The following SIVA1 variants were observed in gnomAD, a reference collection of about 807,000 sequenced individuals.
The protein encoded by SIVA1 is apoptosis regulatory protein Siva.
In SIVA1, 10 loss-of-function variants were observed where a neutral mutation model predicts 19.7. The ratio of observed to expected loss-of-function variants is 0.51; its 90% confidence interval spans 0.31 to 0.86. The LOEUF is 0.86. SIVA1 is among the 40% of genes least tolerant of loss of function. The probability of loss-of-function intolerance (pLI) is 0.04; values close to 1 mark genes in which losing one functional copy is unlikely to be tolerated. For synonymous variants in SIVA1, 130 were observed against 106.1 expected, an observed-to-expected ratio of 1.23 and a Z score of -1.39; for missense variants, 241 against 245.2, an observed-to-expected ratio of 0.98 and a Z score of 0.11.
Position 104,756,623 on chromosome 14 carries a change from C to T in SIVA1, c.333C>T (p.Ser111=), listed in dbSNP as rs1891898043. Residue 111 remains serine (S), a synonymous_variant, in exon 3 of 4, where the codon TCC becomes TCT. Transcript: ENST00000329967. The stretch of plus-strand genomic sequence containing the variant: ...TCACAGACCCATCTGGGGTAGCGTC[C>T]ATTGCCTGTTCCTCATGCGTGCGAG... ...ASEADPSGVA[S]IACSSCVRAV... is the part of the protein sequence containing the mutation. The T allele has an allele frequency of 1.2e-6, 2 of 1,614,228 alleles. No individual in the cohort carries two copies. Among genetic ancestry groups the T allele is most frequent in the African/African-American group, 1.3e-5 (1 of 75,070 alleles).
At chr14:104,756,962 T>C in intron 3 of SIVA1, 1 of 618,244 alleles carries the variant, frequency 1.6e-6, no homozygotes, top group Non-Finnish European at 2.8e-6. Context: ...AAGGGAAAGC[T>C]GAACCTCACA....
chr14:104,753,639 T>C (rs12889167), intron 1 of SIVA1: 217,763 of 448,680 alleles, frequency 0.49, 54,541 homozygotes, highest in East Asian at 0.62. Flanking sequence ...CCTGGTGCTT[T>C]CTCAGGACTG....
In SIVA1 at chr14:104,755,632, A is replaced by G; in HGVS notation, c.121A>G (p.Lys41Glu). Reference sequence around the variant, plus strand: ...GAGAATGATTTATCTTCCCCCAGAGAAGACCAAGCGACTCCTGTTCCTCGG... The same window carrying G: ...GAGAATGATTTATCTTCCCCCAGAGGAGACCAAGCGACTCCTGTTCCTCGG... ...AERYSQEVFE[K>E]TKRLLFLGAQ... Residue 41 changes from lysine (K) to glutamate (E), a missense_variant and splice_region_variant, in exon 2 of 4, where the codon AAG (lysine) becomes GAG (glutamate). Physicochemically the swap from Lys to Glu is moderately conservative, Grantham distance 56. Transcript: ENST00000329967. 6.2e-7 allele frequency: 1 copy of G among 1,611,254 alleles called. No individual in the cohort carries two copies. Among genetic ancestry groups the G allele is most frequent in the Non-Finnish European group, 8.5e-7 (1 of 1,179,372 alleles).
At chr14:104,755,338 CGAGT>C (rs1891847042) in intron 1 of SIVA1, among the ~76,000 whole-genome samples, 1 of 152,126 alleles carries the variant, frequency 6.6e-6, no homozygotes, top group African/African-American at 2.4e-5. Context: ...GAAAATGAGC[CGAGT>C]GATAGGAGAG....
At chr14:104,756,869 G>A (rs1443311104) in intron 3 of SIVA1, 109 bp downstream of exon 3, 3 of 1,240,258 alleles carry the variant, frequency 2.4e-6, no homozygotes, top group Non-Finnish European at 3.3e-6. Flanking sequence ...TGTGGCCCCT[G>A]ATGCAGTGCC....
chr14:104,755,308 G>A (rs1009934647), intron 1 of SIVA1, among the ~76,000 whole-genome samples: 12 of 152,196 alleles, frequency 7.9e-5, no homozygotes, highest in African/African-American at 1.7e-4. Context: ...TTAGTGAGGC[G>A]AGGCCAGCCG....
At chr14:104,753,357 G>C (rs754805799) in intron 1 of SIVA1, 38 bp downstream of exon 1, 1 of 1,429,326 alleles carries the variant, frequency 7.0e-7, no homozygotes, top group South Asian at 1.2e-5. Context: ...CCGCTGCGTC[G>C]GGGCCTGGAA....
intron 3 of SIVA1, chr14:104,758,159 G>A (rs552039776): frequency 1.1e-4 from 17 of 152,382 alleles, no homozygotes; most frequent in African/African-American, 3.6e-4. Flanking sequence ...GGAAAACAGG[G>A]ATCTGTCCAC....
chr14:104,758,658 T>G (rs964620220), intron 3 of SIVA1: 5 of 152,126 alleles, frequency 3.3e-5, no homozygotes, highest in African/African-American at 9.7e-5. Flanking sequence ...CCCAGCTAAT[T>G]TTTGTATTCT....
chr14:104,753,344 G>A, intron 1 of SIVA1, 25 bp downstream of exon 1: 1 of 1,504,754 alleles, frequency 6.6e-7, no homozygotes, highest in South Asian at 1.2e-5. Flanking sequence ...GGCTGCCGAG[G>A]GTCCGCTGCG....
chr14:104,759,154 A>T lies in SIVA1; in HGVS notation c.471-274A>T, dbSNP rs190559537. On this transcript the variant is annotated intron_variant, in intron 3 of 3. Coordinates refer to ENST00000329967, the MANE Select transcript of SIVA1 (RefSeq NM_006427.4). The surrounding 1 kb of genome is among the most constrained non-coding windows in gnomAD (Gnocchi z 4.2). Reference sequence around the variant, plus strand: ...GCTGGTTATCTTTGGTGTTCCCTGTAGACAGCTGCCCCCTCCCTGTATCTT... The same window carrying T: ...GCTGGTTATCTTTGGTGTTCCCTGTTGACAGCTGCCCCCTCCCTGTATCTT... 164 of 327,680 alleles carry T rather than the reference A, an allele frequency of 5.0e-4. No homozygotes were observed. Among genetic ancestry groups the T allele is most frequent in the Non-Finnish European group, 8.0e-4 (142 of 178,148 alleles). 20.3% of individuals were successfully genotyped at this position (327,680 alleles called of 1,614,324 possible).
chr14:104,754,291 G>T (rs970664131), intron 1 of SIVA1, among the ~76,000 whole-genome samples: 1 of 152,150 alleles, frequency 6.6e-6, no homozygotes, highest in Admixed American at 6.5e-5. Flanking sequence ...TGCCGCTTGT[G>T]CCTTGGGAAT....
At position 104,753,179 on chromosome 14, in the gene SIVA1, G is replaced by C. The variant is rs777352338; in HGVS notation, c.-23G>C. 2.7e-6 allele frequency: 4 copies of C among 1,475,110 alleles called. No homozygotes were observed. Among genetic ancestry groups the C allele is most frequent in the East Asian group, 2.5e-5 (1 of 40,556 alleles). 91.4% of individuals were successfully genotyped at this position (1,475,110 alleles called of 1,614,324 possible). ...GTAAGGGGCTGGCGGCCGGGGAGCT[G>C]CGTAGCTCCCGGCCCCGCGGCCATG... On this transcript the variant is annotated 5_prime_UTR_variant, in exon 1 of 4. Coordinates refer to ENST00000329967, the MANE Select transcript of SIVA1 (RefSeq NM_006427.4).
intron 3 of SIVA1, 132 bp downstream of exon 3, chr14:104,756,892 C>A: frequency 5.8e-6 from 6 of 1,034,998 alleles, no homozygotes; most frequent in Non-Finnish European, 8.3e-6. Context: ...CTGGCATTGC[C>A]TAACGGGACA....
At chr14:104,757,322 C>A (rs890939954) in intron 3 of SIVA1, 1 of 426,590 alleles carries the variant, frequency 2.3e-6, no homozygotes, top group South Asian at 1.6e-5. Context: ...AGCCTGTTTG[C>A]CCTGCCCCGT....
Position 104,753,329 on chromosome 14 carries a change from G to A in SIVA1, c.118+10G>A. 1 of 1,574,322 alleles carries A rather than the reference G, an allele frequency of 6.4e-7. No individual in the cohort carries two copies. Among genetic ancestry groups the A allele is most frequent in the Non-Finnish European group, 8.6e-7 (1 of 1,158,322 alleles). ...TCGCAGGAGGTCTTCGGTGAGTGTC[G>A]GGCGGGCTGCCGAGGGTCCGCTGCG... On this transcript the variant is annotated intron_variant, in intron 1 of 3. Transcript: ENST00000329967.
At position 104,755,879 on chromosome 14, in the gene SIVA1, C is replaced by T. The variant is rs563487998; in HGVS notation, c.313+55C>T. 112 of 1,524,426 alleles carry T rather than the reference C, an allele frequency of 7.3e-5. 1 individual carries two copies. Among genetic ancestry groups the T allele is most frequent in the Middle Eastern group, 1.7e-4 (1 of 5,956 alleles). 94.4% of individuals were successfully genotyped at this position (1,524,426 alleles called of 1,614,324 possible). A position where few individuals can be genotyped will look rare whatever the true frequency, so the allele number is the denominator to read the frequency against. On this transcript the variant is annotated intron_variant, in intron 2 of 3. Transcript: ENST00000329967. ...GTGGCACTGAGGGCAGGTGGTGGCA[C>T]GAGCATTTTTCTTGATTTGCAAGGT...
At chr14:104,753,749 G>C (rs1379181374) in intron 1 of SIVA1, 1 of 452,844 alleles carries the variant, frequency 2.2e-6, no homozygotes. Context: ...TTCATGGAGC[G>C]CGCGGCCCTG....
At chr14:104,755,851 G>A (rs761714840) in intron 2 of SIVA1, 27 bp downstream of exon 2, 1 of 1,603,302 alleles carries the variant, frequency 6.2e-7, no homozygotes, top group South Asian at 1.1e-5. Flanking sequence ...GCCCTTTGTG[G>A]CTGTGGCACT....
Sources: allele counts gnomAD v4.1 joint callset (sites outside exome capture counted in the v4.1 genomes callset), GRCh38; gene constraint gnomAD v4.1.1; non-coding constraint Gnocchi (gnomAD v3.1); transcripts MANE v1.5; gene names NCBI Gene and HGNC (gene_info 2026-07-23, HGNC 2026-07-21).